Variants in RORA observed in about 807,000 individuals in gnomAD.
RORA encodes the protein nuclear receptor ROR-alpha.
RORA carries 7 observed loss-of-function variants against 69.5 expected under a neutral mutation model. That is an observed-to-expected ratio of 0.10 (90% confidence interval 0.06 to 0.19). The LOEUF is 0.19. Among genes scored for constraint, RORA ranks in the 10% least tolerant of loss-of-function variants. The pLI, the probability that RORA is intolerant of heterozygous loss-of-function variation, is 1.00. For synonymous variants in RORA, 261 were observed against 240.8 expected (o/e 1.08, Z -0.78); for missense variants, 457 against 663.0 (o/e 0.69, Z 3.41).
At position 60,514,837 on chromosome 15, in the gene RORA, G is replaced by C. The variant is rs144203400; in HGVS notation, c.283-80C>G. On this transcript the variant is annotated intron_variant, in intron 3 of 10. Coordinates refer to ENST00000335670, the MANE Select transcript of RORA (RefSeq NM_134261.3). ...TACTAAAGGCAGGATGCTAAGCACT[G>C]AGTGGCATTAATATTTAATGGAGAA... is the stretch of plus-strand genomic sequence containing the variant. 5.3e-4 allele frequency: 547 copies of C among 1,037,298 alleles called. 3 individuals are homozygous for C. The African/African-American group carries it at 8.1e-3, about 15-fold the overall frequency. The allele number at this position is 1,037,298 out of a possible 1,614,324, so 64.3% of individuals were successfully genotyped here.
chr15:60,882,636 T>TACACAC (rs67057464), intron 1 of RORA, among the ~76,000 whole-genome samples: 22 of 147,606 alleles, frequency 1.5e-4, no homozygotes, highest in African/African-American at 3.8e-4. Flanking sequence ...GGAGCTTAAC[T>TACACAC]ACACACACAC....
intron 2 of RORA, among the ~76,000 whole-genome samples, chr15:60,614,593 A>C (rs2069181402): frequency 6.6e-6 from 1 of 152,192 alleles, no homozygotes; most frequent in Non-Finnish European, 1.5e-5. Context: ...TTATAAAGAC[A>C]TGGCTTCTGT....
intron 1 of RORA, among the ~76,000 whole-genome samples, chr15:61,218,699 C>CACACAG (rs1319169641): frequency 2.0e-5 from 3 of 151,740 alleles, no homozygotes; most frequent in East Asian, 3.9e-4. Flanking sequence ...CACACACACA[C>CACACAG]ACACACACAC....
rs142913853 is a variant in RORA, at chr15:60,791,185, G to A, written c.167-112499C>T. On this transcript the variant is annotated intron_variant, in intron 1 of 10. Transcript: ENST00000335670. ...TCAGGCCTGATTCAGTTACTACTTG[G>A]GCAAGTCACTTAACTTCCCTAGGTC... Among the ~76,000 whole-genome samples, 844 of 152,154 alleles carry A rather than the reference G, an allele frequency of 5.5e-3. 3 individuals carry two copies. Among genetic ancestry groups the A allele is most frequent in the Middle Eastern group, 0.01 (3 of 294 alleles).
intron 1 of RORA, among the ~76,000 whole-genome samples, chr15:60,827,497 AAT>A (rs1425616765): frequency 4.6e-5 from 7 of 152,252 alleles, no homozygotes; most frequent in African/African-American, 1.4e-4. Context: ...AGTCTGAAAA[AAT>A]ATGTTTTATA....
chr15:60,875,833 A>G (rs1187559353), intron 1 of RORA, among the ~76,000 whole-genome samples: 1 of 152,146 alleles, frequency 6.6e-6, no homozygotes, highest in African/African-American at 2.4e-5. Flanking sequence ...TCAGTAGTAG[A>G]TTCACTGTGA....
intron 1 of RORA, among the ~76,000 whole-genome samples, chr15:61,116,819 C>T (rs958678121): frequency 2.6e-5 from 4 of 152,178 alleles, no homozygotes; most frequent in East Asian, 1.9e-4. Context: ...AAAAATATAA[C>T]TAAATGGCTC....
intron 2 of RORA, among the ~76,000 whole-genome samples, chr15:60,612,545 T>C (rs1282377738): frequency 2.0e-5 from 3 of 152,066 alleles, no homozygotes; most frequent in African/African-American, 4.8e-5. Flanking sequence ...GACCAGGCAT[T>C]AGCAAACCCA....
intron 2 of RORA, among the ~76,000 whole-genome samples, chr15:60,645,713 G>A (rs1353962466): frequency 6.6e-6 from 1 of 151,716 alleles, no homozygotes; most frequent in African/African-American, 2.4e-5. Context: ...TCAATTAGAA[G>A]TCATTTGTGT....
chr15:60,964,084 A>C (rs1893485406), intron 1 of RORA, among the ~76,000 whole-genome samples: 1 of 152,240 alleles, frequency 6.6e-6, no homozygotes, highest in African/African-American at 2.4e-5. Context: ...ATAGACTGGG[A>C]AACCATAGCC....
chr15:60,518,154 G>T (rs1370321171), intron 3 of RORA, among the ~76,000 whole-genome samples: 1 of 152,184 alleles, frequency 6.6e-6, no homozygotes, highest in Non-Finnish European at 1.5e-5. Context: ...GCGAGCCCAT[G>T]TATCTGGCAT....
intron 1 of RORA, among the ~76,000 whole-genome samples, chr15:61,197,866 A>G (rs1013018423): frequency 6.7e-6 from 1 of 148,366 alleles, no homozygotes; most frequent in African/African-American, 2.5e-5. Context: ...GGAAGAGCCC[A>G]CCACCACACG....
At chr15:60,999,859 G>A (rs1345152940) in intron 1 of RORA, among the ~76,000 whole-genome samples, 3 of 152,196 alleles carry the variant, frequency 2.0e-5, no homozygotes, top group Non-Finnish European at 4.4e-5. Flanking sequence ...ATTTAGAAGA[G>A]GATCAGATTC....
intron 1 of RORA, among the ~76,000 whole-genome samples, chr15:60,873,638 A>G (rs1285534315): frequency 6.6e-6 from 1 of 152,202 alleles, no homozygotes; most frequent in Non-Finnish European, 1.5e-5. Flanking sequence ...GCTAAGATAA[A>G]TGACTATACA....
At chr15:60,692,261 T>A (rs2070838668) in intron 1 of RORA, among the ~76,000 whole-genome samples, 1 of 152,234 alleles carries the variant, frequency 6.6e-6, no homozygotes, top group African/African-American at 2.4e-5. Flanking sequence ...TGTTTTATAT[T>A]TGCATAATCC....
intron 1 of RORA, among the ~76,000 whole-genome samples, chr15:60,895,762 C>A (rs955938373): frequency 6.6e-6 from 1 of 152,204 alleles, no homozygotes; most frequent in African/African-American, 2.4e-5. Flanking sequence ...ACAGCCTCAG[C>A]AATTTCCCTC....
intron 3 of RORA, among the ~76,000 whole-genome samples, chr15:60,516,225 A>ATATATATATTTATATATATATATT: frequency 1.7e-5 from 1 of 57,320 alleles, no homozygotes; most frequent in African/African-American, 1.2e-4. Context: ...ATATATATTT[A>ATATATATATTTATATATATATATT]TATATATATT....
chr15:60,995,855 A>C lies in RORA; in HGVS notation c.166+233198T>G, dbSNP rs76374914. Among the ~76,000 whole-genome samples, 920 of 152,344 alleles carry C rather than the reference A, an allele frequency of 6.0e-3. 11 individuals carry two copies. Among genetic ancestry groups the C allele is most frequent in the African/African-American group, 0.021 (878 of 41,570 alleles). ...GAACGCACATCTGACCATTCTGTTC[A>C]AGAAAAGCAGTCAATATTTTGAGTC... On this transcript the variant is annotated intron_variant, in intron 1 of 10. Coordinates refer to ENST00000335670, the MANE Select transcript of RORA (RefSeq NM_134261.3).
intron 1 of RORA, among the ~76,000 whole-genome samples, chr15:61,169,837 T>C (rs892951010): frequency 1.3e-5 from 2 of 152,058 alleles, no homozygotes; most frequent in Non-Finnish European, 2.9e-5. Context: ...ATTCATTGGA[T>C]TTCATCAGGA....
Sources: allele counts gnomAD v4.1 joint callset (sites outside exome capture counted in the v4.1 genomes callset), GRCh38; gene constraint gnomAD v4.1.1; transcripts MANE v1.5; gene names NCBI Gene and HGNC (gene_info 2026-07-23, HGNC 2026-07-21).